POLG: variants seen among roughly 807,000 people sequenced by gnomAD.
POLG encodes the protein DNA polymerase subunit gamma-1.
Under a neutral mutation model 155.4 loss-of-function variants are expected in POLG, and 110 were observed. That is an observed-to-expected ratio of 0.71 (90% confidence interval 0.61 to 0.83). The LOEUF (loss-of-function observed/expected upper bound fraction) is 0.83. Ranked by LOEUF, POLG falls within the 40% of genes least tolerant of loss-of-function variation. The pLI is 0.00. For missense variants in POLG, 1,685 were observed against 1,627.5 expected (o/e 1.04, Z -0.61); for synonymous variants, 701 against 631.5 (o/e 1.11, Z -1.65).
rs898161376 is a variant in POLG, at chr15:89,322,906, G to C, written c.2266-4C>G. 6.2e-7 allele frequency: 1 copy of C among 1,611,986 alleles called. No individual in the cohort carries two copies. The highest frequency in any genetic ancestry group is 8.5e-7 in the Non-Finnish European group (1 of 1,179,426). On this transcript the variant is annotated splice_polypyrimidine_tract_variant and splice_region_variant and intron_variant, in intron 13 of 22. Transcript: ENST00000268124. ...CCACATTACAGCTATTACCATCCTGGACAGAGCAAAGGAAGCAGGGGCTGG... is the reference window on the plus strand; with the variant it reads ...CCACATTACAGCTATTACCATCCTGCACAGAGCAAAGGAAGCAGGGGCTGG...
At position 89,322,029 on chromosome 15, in the gene POLG, C is replaced by G. The variant is rs1247657513; in HGVS notation, c.2427-14G>C. 1.2e-6 allele frequency: 2 copies of G among 1,613,568 alleles called. No individual in the cohort carries two copies. The highest frequency in any genetic ancestry group is 1.7e-6 in the Non-Finnish European group (2 of 1,179,584). On this transcript the variant is annotated splice_polypyrimidine_tract_variant and intron_variant, in intron 14 of 22. Coordinates refer to ENST00000268124, the MANE Select transcript of POLG (RefSeq NM_002693.3). ...ACCATCTGGGAGCTGTGGGGACAGA[C>G]AACGTGAGGCTCAGCACAGCCATGG...
chr15:89,323,034 A>G, intron 13 of POLG, 132 bp from the exon 14 acceptor site: 1 of 907,086 alleles, frequency 1.1e-6, no homozygotes, highest in Non-Finnish European at 1.7e-6. Context: ...CCCTGATTGT[A>G]TCACGCACGC....
chr15:89,319,230 C>T lies in POLG; in HGVS notation c.3102G>A (p.Arg1034=). The T allele has an allele frequency of 1.2e-6, 2 of 1,614,222 alleles. No individual in the cohort carries two copies. The highest frequency in any genetic ancestry group is 1.7e-6 in the Non-Finnish European group (2 of 1,180,040). The change falls in exon 19 of 23, where the codon AGG becomes AGA. Residue 1034 remains arginine (R), a splice_region_variant and synonymous_variant. Transcript: ENST00000268124. ...CTTAACACAAAGAAGGTTCTTACTT[C>T]CTTGCAGTTTCTCTCTGGACCTTGC... is the stretch of plus-strand genomic sequence containing the variant. The part of the protein sequence containing the change: ...DLRKVQRETA[R]KSQWKKWEVV...
intron 2 of POLG, 22 bp from the exon 3 acceptor site, chr15:89,330,298 C>G (rs764885029): frequency 3.1e-6 from 5 of 1,591,004 alleles, no homozygotes; most frequent in Non-Finnish European, 3.4e-6. Flanking sequence ...GAGAGGCAGG[C>G]AGGTTCACCA....
chr15:89,333,740 G>A lies in POLG; in HGVS notation c.15C>T (p.Leu5=), dbSNP rs892999189. Residue 5 remains leucine, a synonymous_variant, in exon 2 of 23, where the codon CTC becomes CTT. Transcript: ENST00000268124. The part of the protein sequence containing the change: MSRL[L]WRKVAGATVG... ...CGGTGGCGCCGGCCACCTTCCTCCA[G>A]AGCAGGCGGCTCATGGTTGGTGCAG... 1 of 1,535,454 alleles carries A rather than the reference G, an allele frequency of 6.5e-7. No homozygotes were observed. Among genetic ancestry groups the A allele is most frequent in the Non-Finnish European group, 8.7e-7 (1 of 1,146,534 alleles).
Position 89,333,734 on chromosome 15 carries a change from C to T in POLG, c.21G>A (p.Arg7=), listed in dbSNP as rs1057523280. MSRLLW[R]KVAGATVGPG... ...GCCCGACGGTGGCGCCGGCCACCTT[C>T]CTCCAGAGCAGGCGGCTCATGGTTG... The change falls in exon 2 of 23, where the codon AGG becomes AGA. Residue 7 remains arginine (R), a synonymous_variant. Transcript: ENST00000268124. The T allele has an allele frequency of 6.5e-7, 1 of 1,535,630 alleles. No individual in the cohort carries two copies. The highest frequency in any genetic ancestry group is 8.7e-7 in the Non-Finnish European group (1 of 1,146,598).
rs2152059350 is a variant in POLG at position 89,319,029 on chromosome 15, T to C, written c.3175A>G (p.Asn1059Asp). ...GACGTAGCAATGCTCTCAAGCTTAT[T>C]GAACATTTCTGACTCTGTGCCCCCC... is the stretch of plus-strand genomic sequence containing the variant. ...WKGGTESEMF[N>D]KLESIATSDI... Residue 1059 changes from asparagine (N) to aspartate (D), a missense_variant, in exon 20 of 23, where the codon AAT becomes GAT. Coordinates refer to ENST00000268124, the MANE Select transcript of POLG (RefSeq NM_002693.3). The C allele has an allele frequency of 1.2e-6, 2 of 1,614,168 alleles. No individual in the cohort carries two copies. The highest frequency in any genetic ancestry group is 8.5e-7 in the Non-Finnish European group (1 of 1,180,014).
chr15:89,328,841 C>G lies in POLG; in HGVS notation c.1024-10G>C, dbSNP rs1223973876. The G allele has an allele frequency of 1.9e-6, 3 of 1,614,058 alleles. No individual in the cohort carries two copies. The highest frequency in any genetic ancestry group is 3.3e-5 in the Admixed American group (2 of 60,030). ...AGTCCCAGGATGAGATCTGGGGAAC[C>G]AGAGCAAGGGACATGGCAGATCAGC... On this transcript the variant is annotated splice_polypyrimidine_tract_variant and intron_variant, in intron 4 of 22. Coordinates refer to ENST00000268124, the MANE Select transcript of POLG (RefSeq NM_002693.3).
chr15:89,325,153 AGTG>A (rs2055478521), intron 10 of POLG, among the ~76,000 whole-genome samples: 4 of 94,970 alleles, frequency 4.2e-5, no homozygotes, highest in Admixed American at 2.0e-4. Flanking sequence ...AGAGTGAGTG[AGTG>A]AGTGAGTGAG....
At position 89,327,643 on chromosome 15, in the gene POLG, T is replaced by C. The variant is rs192386269; in HGVS notation, c.1251-294A>G. ...GCTGCCACACGTGGAGTAATGACTCTGTGCCAGGCACTGTGCTAATAATCC... is the reference window on the plus strand; with the variant it reads ...GCTGCCACACGTGGAGTAATGACTCCGTGCCAGGCACTGTGCTAATAATCC... On this transcript the variant is annotated intron_variant, in intron 6 of 22. Coordinates refer to ENST00000268124, the MANE Select transcript of POLG (RefSeq NM_002693.3). Among the ~76,000 whole-genome samples, 3 of 152,352 alleles carry C rather than the reference T, an allele frequency of 2.0e-5. No homozygotes were observed. In the East Asian group the frequency reaches 5.8e-4, roughly 29 times the overall value.
chr15:89,318,500 A>AG (rs775058599), intron 21 of POLG, 41 bp downstream of exon 21: 1 of 1,561,732 alleles, frequency 6.4e-7, no homozygotes, highest in Non-Finnish European at 8.8e-7. Flanking sequence ...AGCCCCACAT[A>AG]GGAGCACATG....
At chr15:89,329,633 A>G (rs1044609284) in intron 3 of POLG, among the ~76,000 whole-genome samples, 1 of 152,236 alleles carries the variant, frequency 6.6e-6, no homozygotes, top group Non-Finnish European at 1.5e-5. Context: ...ACTATACACC[A>G]GGCAGAGTGC....
intron 21 of POLG, 123 bp from the exon 22 acceptor site, chr15:89,317,659 C>G (rs1384570835): frequency 1.1e-6 from 1 of 940,812 alleles, no homozygotes; most frequent in African/African-American, 1.6e-5. Flanking sequence ...CCCATCTGTT[C>G]ACTTAGCTAA....
chr15:89,325,161 A>T (rs2055479866), intron 10 of POLG, among the ~76,000 whole-genome samples: 1 of 98,540 alleles, frequency 1.0e-5, no homozygotes, highest in Non-Finnish European at 2.1e-5. Flanking sequence ...TGAGTGAGTG[A>T]GTGAGTGAGA....
chr15:89,322,156 C>A, intron 14 of POLG, 141 bp from the exon 15 acceptor site: 1 of 818,260 alleles, frequency 1.2e-6, no homozygotes, highest in South Asian at 1.4e-5. Flanking sequence ...CAAGGTGAGC[C>A]CTGGCTCAGC....
intron 10 of POLG, 191 bp from the exon 11 acceptor site, chr15:89,324,418 A>C (rs2055443013): frequency 1.4e-6 from 1 of 695,104 alleles, no homozygotes; most frequent in Non-Finnish European, 2.5e-6. Context: ...GCACCCTGGC[A>C]GCAGGCTGGG....
At position 89,326,758 on chromosome 15, in the gene POLG, C is replaced by A; in HGVS notation, c.1586-20G>T. ...CGAGGTCTGTGAGGGTGGGGGAAGACAATCAGGAGCAGGAGAAGGAACTCT... is the reference window on the plus strand; with the variant it reads ...CGAGGTCTGTGAGGGTGGGGGAAGAAAATCAGGAGCAGGAGAAGGAACTCT... On this transcript the variant is annotated intron_variant, in intron 8 of 22. Transcript: ENST00000268124. 1 of 1,614,062 alleles carries A rather than the reference C, an allele frequency of 6.2e-7. No individual in the cohort carries two copies. The highest frequency in any genetic ancestry group is 1.1e-5 in the South Asian group (1 of 91,088).
intron 9 of POLG, 102 bp from the exon 10 acceptor site, chr15:89,325,788 G>A: frequency 3.1e-6 from 3 of 955,268 alleles, no homozygotes; most frequent in Non-Finnish European, 5.0e-6. Flanking sequence ...CCAAAGCCCT[G>A]GGGCTTTCTG....
At chr15:89,333,956 G>A (rs2055635646) in intron 1 of POLG, 43 bp from the exon 2 acceptor site, 5 of 619,788 alleles carry the variant, frequency 8.1e-6, no homozygotes, top group African/African-American at 3.7e-5. Context: ...TACCATATAT[G>A]TAATAGGTGT....
Sources: gnomAD v4.1 joint callset for allele counts (sites outside exome capture counted in the v4.1 genomes callset) on GRCh38, gnomAD v4.1.1 for gene constraint, MANE v1.5 for transcripts, NCBI Gene and HGNC (gene_info 2026-07-23, HGNC 2026-07-21) for gene names.